Variants in DUSP14 observed in about 807,000 individuals in gnomAD.
The protein encoded by DUSP14 is dual specificity protein phosphatase 14.
DUSP14 carries 5 observed loss-of-function variants against 13.2 expected under a neutral mutation model. The observed-to-expected ratio is 0.38, with a 90% CI of 0.20 to 0.80. The LOEUF (loss-of-function observed/expected upper bound fraction) is 0.80. Ranked by LOEUF, DUSP14 falls within the 30% of genes least tolerant of loss-of-function variation. The pLI, the probability that DUSP14 is intolerant of heterozygous loss-of-function variation, is 0.44. For synonymous variants in DUSP14, 91 were observed against 103.4 expected, an observed-to-expected ratio of 0.88 and a Z score of 0.73; for missense variants, 185 against 264.0, an observed-to-expected ratio of 0.70 and a Z score of 2.07.
Position 37,513,484 on chromosome 17 carries a change from T to G in DUSP14, c.*615T>G, listed in dbSNP as rs1485274110. 1.2e-5 allele frequency: 2 copies of G among 167,078 alleles called. No homozygotes were observed. Among genetic ancestry groups the G allele is most frequent in the Non-Finnish European group, 2.9e-5 (2 of 68,138 alleles). 10.3% of individuals were successfully genotyped at this position (167,078 alleles called of 1,614,324 possible). A position where few individuals can be genotyped will look rare whatever the true frequency, so the allele number is the denominator to read the frequency against. On this transcript the variant is annotated 3_prime_UTR_variant, in exon 3 of 3. Coordinates refer to ENST00000617516, the MANE Select transcript of DUSP14 (RefSeq NM_007026.4). ...ATATTAGCATTATTTTTAATAAATC[T>G]ATATGCTTAACATATTAGAATTTTT...
intron 2 of DUSP14, among the ~76,000 whole-genome samples, chr17:37,511,284 T>C (rs979552176): frequency 4.6e-5 from 7 of 152,056 alleles, no homozygotes; most frequent in African/African-American, 1.7e-4. Context: ...AGTTTTTGGT[T>C]TGGGTTTTTG....
At position 37,503,493 on chromosome 17, in the gene DUSP14, C is replaced by T. The variant is rs1298650026; in HGVS notation, c.-180-7184C>T. Among the ~76,000 whole-genome samples the T allele has an allele frequency of 2.6e-5, 4 of 152,284 alleles. No homozygotes were observed. The East Asian group carries it at 5.8e-4, about 22-fold the overall frequency. Reference sequence around the variant, plus strand: ...GTGAGATGGGAGATGCTGTGGCCATCTCTGGTGAATACATTCTGCAGCAGT... The same window carrying T: ...GTGAGATGGGAGATGCTGTGGCCATTTCTGGTGAATACATTCTGCAGCAGT... On this transcript the variant is annotated intron_variant, in intron 1 of 2. Coordinates refer to ENST00000617516, the MANE Select transcript of DUSP14 (RefSeq NM_007026.4).
At chr17:37,496,484 G>A (rs569917698) in intron 1 of DUSP14, among the ~76,000 whole-genome samples, 245 of 151,222 alleles carry the variant, frequency 1.6e-3, no homozygotes, top group African/African-American at 5.7e-3. Context: ...GGCCGGGCAC[G>A]GTAGCTCATG....
At chr17:37,489,280 G>A (rs1015340641), upstream of DUSP14, among the ~76,000 whole-genome samples, 2 of 152,088 alleles carry the variant, frequency 1.3e-5, no homozygotes, top group African/African-American at 2.4e-5. Context: ...TTGGCGTGGC[G>A]AGAGCAGGTG....
chr17:37,512,488 G>C lies in DUSP14; in HGVS notation c.216G>C (p.Glu72Asp). The C allele has an allele frequency of 1.2e-6, 2 of 1,614,154 alleles. No homozygotes were observed. Among genetic ancestry groups the C allele is most frequent in the Non-Finnish European group, 1.7e-6 (2 of 1,180,030 alleles). ...EIPNFNWPQF[E>D]YVKVPLADMP... ...CTAATTTCAACTGGCCCCAATTTGA[G>C]TATGTTAAAGTGCCTCTGGCTGACA... The change falls in exon 3 of 3, where the codon GAG (glutamate) becomes GAC (aspartate). Residue 72 changes from glutamate to aspartate, a missense_variant. By Grantham distance (45) the Glu-to-Asp change is conservative. Coordinates refer to ENST00000617516, the MANE Select transcript of DUSP14 (RefSeq NM_007026.4). The surrounding 1 kb of genome is among the most constrained non-coding windows in gnomAD (Gnocchi z 4.8).
intron 1 of DUSP14, among the ~76,000 whole-genome samples, chr17:37,490,690 C>T (rs780979975): frequency 8.7e-5 from 13 of 149,236 alleles, no homozygotes; most frequent in South Asian, 2.1e-4. Context: ...TGCAGTTTTA[C>T]CATGCAGAGA....
chr17:37,502,578 G>A (rs535540282), intron 1 of DUSP14, among the ~76,000 whole-genome samples: 4 of 152,176 alleles, frequency 2.6e-5, no homozygotes, highest in East Asian at 1.9e-4. Flanking sequence ...CACAATGTCC[G>A]AGGCCTTAGG....
chr17:37,492,000 G>C (rs2054031648), intron 1 of DUSP14, among the ~76,000 whole-genome samples: 1 of 152,136 alleles, frequency 6.6e-6, no homozygotes, highest in Non-Finnish European at 1.5e-5. Context: ...TGCACAAAGT[G>C]GTTTTTTAAC....
intron 1 of DUSP14, among the ~76,000 whole-genome samples, chr17:37,493,146 A>G (rs980970333): frequency 4.6e-5 from 7 of 152,114 alleles, no homozygotes; most frequent in African/African-American, 9.7e-5. Context: ...TAATTTTTTT[A>G]GAGACAAGGT....
At chr17:37,509,348 G>C (rs1203476418) in intron 1 of DUSP14, among the ~76,000 whole-genome samples, 2 of 126,506 alleles carry the variant, frequency 1.6e-5, no homozygotes, top group Admixed American at 1.6e-4. Flanking sequence ...ACAGAGTCTT[G>C]CTCTGTTGCC....
chr17:37,494,535 A>G (rs1460326508), intron 1 of DUSP14, among the ~76,000 whole-genome samples: 3 of 152,124 alleles, frequency 2.0e-5, no homozygotes, highest in Non-Finnish European at 4.4e-5. Context: ...ACAGACAGTT[A>G]CCAGGCTCAC....
At chr17:37,502,827 A>G (rs769400032) in intron 1 of DUSP14, among the ~76,000 whole-genome samples, 18 of 151,980 alleles carry the variant, frequency 1.2e-4, no homozygotes, top group African/African-American at 4.1e-4. Flanking sequence ...AGTGTGCGAC[A>G]TGTTTGTGCT....
chr17:37,498,314 CTTTTTTTTTTTT>C (rs765033929), intron 1 of DUSP14, among the ~76,000 whole-genome samples: 23 of 70,574 alleles, frequency 3.3e-4, no homozygotes, highest in African/African-American at 1.1e-3. Flanking sequence ...TAGATTGTAT[CTTTTTTTTTTTT>C]TTTTTTTTTT....
At chr17:37,499,444 ATCC>A (rs1406812893) in intron 1 of DUSP14, among the ~76,000 whole-genome samples, 2 of 152,078 alleles carry the variant, frequency 1.3e-5, no homozygotes, top group Non-Finnish European at 2.9e-5. Flanking sequence ...GGCTCAAGCA[ATCC>A]TCCTGCCTTG....
intron 1 of DUSP14, among the ~76,000 whole-genome samples, chr17:37,506,310 A>G (rs1253835565): frequency 6.7e-6 from 1 of 148,318 alleles, no homozygotes; most frequent in African/African-American, 2.5e-5. Flanking sequence ...AAAAAACCCA[A>G]AAAACCCTGG....
rs188615906 is a variant in DUSP14 at position 37,512,168 on chromosome 17, C to T, written c.-92-13C>T. The T allele has an allele frequency of 2.3e-6, 2 of 868,218 alleles. No individual in the cohort carries two copies. Among genetic ancestry groups the T allele is most frequent in the African/African-American group, 1.7e-5 (1 of 59,434 alleles). The allele number at this position is 868,218 out of a possible 1,614,324, so 53.8% of individuals were successfully genotyped here. A position where few individuals can be genotyped will look rare whatever the true frequency, so the allele number is the denominator to read the frequency against. On this transcript the variant is annotated splice_polypyrimidine_tract_variant and intron_variant, in intron 2 of 2. Transcript: ENST00000617516. The surrounding 1 kb of genome is among the most constrained non-coding windows in gnomAD (Gnocchi z 4.8). ...TAGCATTTAAAGTACTGACACATACCTGTATTTTGCAGGAAGGAGACTCTA... is the reference window on the plus strand; with the variant it reads ...TAGCATTTAAAGTACTGACACATACTTGTATTTTGCAGGAAGGAGACTCTA...
chr17:37,489,049 C>T (rs1287674939), upstream of DUSP14, among the ~76,000 whole-genome samples: 1 of 152,202 alleles, frequency 6.6e-6, no homozygotes, highest in Non-Finnish European at 1.5e-5. Context: ...ACGTGTCTCC[C>T]TTCACCTGCC....
chr17:37,501,356 C>T (rs952954558), intron 1 of DUSP14, among the ~76,000 whole-genome samples: 1 of 152,140 alleles, frequency 6.6e-6, no homozygotes, highest in Non-Finnish European at 1.5e-5. Context: ...GGAGCCGATT[C>T]GGTAGGTCTT....
intron 1 of DUSP14, among the ~76,000 whole-genome samples, chr17:37,499,117 G>T (rs574069964): frequency 6.6e-6 from 1 of 152,240 alleles, no homozygotes; most frequent in African/African-American, 2.4e-5. Context: ...GAGGCCTCAG[G>T]AAACTTACAG....
Sources: gnomAD v4.1 joint callset for allele counts (sites outside exome capture counted in the v4.1 genomes callset) on GRCh38, gnomAD v4.1.1 for gene constraint, Gnocchi (gnomAD v3.1) non-coding constraint, MANE v1.5 for transcripts, NCBI Gene and HGNC (gene_info 2026-07-23, HGNC 2026-07-21) for gene names.